Variants in RNF111 observed in about 807,000 individuals in gnomAD.
RNF111 encodes the protein E3 ubiquitin-protein ligase Arkadia.
RNF111 carries 17 observed loss-of-function variants against 95.1 expected under a neutral mutation model. The observed-to-expected ratio is 0.18, with a 90% CI of 0.12 to 0.27. The LOEUF (loss-of-function observed/expected upper bound fraction) is 0.27, where lower values mean the gene tolerates loss of function less well. Ranked by LOEUF, RNF111 falls within the 10% of genes least tolerant of loss-of-function variation. The pLI, the probability that RNF111 is intolerant of heterozygous loss-of-function variation, is 1.00. For missense variants in RNF111, 1,189 were observed against 1,210.4 expected, an observed-to-expected ratio of 0.98 and a Z score of 0.26; for synonymous variants, 440 against 414.8, an observed-to-expected ratio of 1.06 and a Z score of -0.74.
chr15:59,045,679 T>C (rs1157152298), intron 2 of RNF111, among the ~76,000 whole-genome samples: 2 of 152,246 alleles, frequency 1.3e-5, no homozygotes, highest in Admixed American at 1.3e-4. Flanking sequence ...ATAATGCTTT[T>C]AGTTTTAAAT....
intron 5 of RNF111, 135 bp downstream of exon 5, chr15:59,058,685 T>C: frequency 1.3e-6 from 1 of 754,572 alleles, no homozygotes; most frequent in Non-Finnish European, 2.2e-6. Flanking sequence ...TCATATGTTA[T>C]CAAGGTAGTC....
chr15:59,088,205 C>G (rs1251085960), intron 10 of RNF111, among the ~76,000 whole-genome samples: 1 of 152,040 alleles, frequency 6.6e-6, no homozygotes, highest in African/African-American at 2.4e-5. Context: ...AAGCATGACC[C>G]AGGGTGAACA....
In RNF111 at chr15:59,012,405, T is replaced by C. The variant is rs914789671; in HGVS notation, c.-19-18399T>C. Among the ~76,000 whole-genome samples, 3 of 152,212 alleles carry C rather than the reference T, an allele frequency of 2.0e-5. No homozygotes were observed. The South Asian group carries it at 6.2e-4, about 32-fold the overall frequency. On this transcript the variant is annotated intron_variant, in intron 1 of 13. Coordinates refer to ENST00000348370, the MANE Select transcript of RNF111 (RefSeq NM_017610.8). ...CTTTAGTGCTTTGAAGTACTACTTA[T>C]CTGTTCTCATTTAATAGTAGGTTTT...
At chr15:59,015,347 T>G (rs1373634021) in intron 1 of RNF111, among the ~76,000 whole-genome samples, 1 of 152,206 alleles carries the variant, frequency 6.6e-6, no homozygotes, top group African/African-American at 2.4e-5. Context: ...ATCATTCTTA[T>G]GAATTCACAT....
At chr15:59,080,826 C>T in intron 7 of RNF111, 110 bp from the exon 8 acceptor site, 1 of 848,970 alleles carries the variant, frequency 1.2e-6, no homozygotes, top group South Asian at 1.9e-5. Flanking sequence ...ATAAAGTATT[C>T]ATAAAAATAA....
chr15:59,091,497 A>G (rs1043271827), intron 12 of RNF111, among the ~76,000 whole-genome samples: 2 of 152,190 alleles, frequency 1.3e-5, no homozygotes, highest in African/African-American at 2.4e-5. Context: ...ATTGCCTTTC[A>G]TGCCAATTAG....
chr15:59,067,126 T>C (rs776195961), intron 6 of RNF111, 43 bp downstream of exon 6: 2 of 1,159,456 alleles, frequency 1.7e-6, no homozygotes, highest in Non-Finnish European at 1.2e-6. Context: ...GCCCCTCTTG[T>C]CTCTCTCTCT....
In RNF111 at chr15:59,022,700, A is replaced by G. The variant is rs141261732; in HGVS notation, c.-19-8104A>G. On this transcript the variant is annotated intron_variant, in intron 1 of 13. Transcript: ENST00000348370. Reference sequence around the variant, plus strand: ...ACACTCCATATAAATCATTCTTCCAATGTCTTTTAAATGCAACCAAAAGAC... The same window carrying G: ...ACACTCCATATAAATCATTCTTCCAGTGTCTTTTAAATGCAACCAAAAGAC... Among the ~76,000 whole-genome samples the G allele has an allele frequency of 1.3e-3, 198 of 152,284 alleles. 3 individuals are homozygous for G. Among genetic ancestry groups the G allele is most frequent in the African/African-American group, 4.2e-3 (175 of 41,548 alleles).
intron 8 of RNF111, 112 bp downstream of exon 8, chr15:59,081,396 G>C (rs1431315983): frequency 2.2e-6 from 2 of 894,710 alleles, no homozygotes; most frequent in African/African-American, 3.3e-5. Flanking sequence ...TGTAGTCACA[G>C]CTCCTTGGGA....
In RNF111 at chr15:59,081,046, C is replaced by T. The variant is rs2078726592; in HGVS notation, c.2059C>T (p.His687Tyr). The T allele has an allele frequency of 6.2e-7, 1 of 1,614,040 alleles. No homozygotes were observed. The highest frequency in any genetic ancestry group is 8.5e-7 in the Non-Finnish European group (1 of 1,180,020). ...GCCTCAAGTGGATTATGTTATTCCTCATCCTGTACATGCTTTCCATTCTCA... is the reference window on the plus strand; with the variant it reads ...GCCTCAAGTGGATTATGTTATTCCTTATCCTGTACATGCTTTCCATTCTCA... Reference protein sequence around the residue: ...PPPQVDYVIPHPVHAFHSQIS... With the variant: ...PPPQVDYVIPYPVHAFHSQIS... The change falls in exon 8 of 14, where the codon CAT becomes TAT. Residue 687 changes from histidine (H) to tyrosine (Y), a missense_variant. Transcript: ENST00000348370.
At chr15:59,055,459 C>T (rs2042163514) in intron 3 of RNF111, among the ~76,000 whole-genome samples, 1 of 152,060 alleles carries the variant, frequency 6.6e-6, no homozygotes, top group South Asian at 2.1e-4. Flanking sequence ...ATTCTTGAAA[C>T]AGAATCCTGT....
At chr15:59,066,412 A>G (rs564023309) in intron 5 of RNF111, among the ~76,000 whole-genome samples, 2 of 152,164 alleles carry the variant, frequency 1.3e-5, no homozygotes, top group Non-Finnish European at 2.9e-5. Flanking sequence ...GGAGTTCAAG[A>G]CCAGCCTGAC....
At position 59,089,644 on chromosome 15, in the gene RNF111, G is replaced by T. The variant is rs1339943799; in HGVS notation, c.2551-23G>T. ...CAAGTCTATTCTTAAAATTGATTTA[G>T]CCTATCTCTTCTGTTGAAATAGGTT... On this transcript the variant is annotated intron_variant, in intron 10 of 13. Coordinates refer to ENST00000348370, the MANE Select transcript of RNF111 (RefSeq NM_017610.8). 4 of 1,536,724 alleles carry T rather than the reference G, an allele frequency of 2.6e-6. No homozygotes were observed. In the Admixed American group the frequency reaches 5.0e-5, roughly 19 times the overall value.
intron 1 of RNF111, among the ~76,000 whole-genome samples, chr15:59,009,044 C>T (rs2039669855): frequency 1.3e-5 from 2 of 152,140 alleles, no homozygotes; most frequent in African/African-American, 4.8e-5. Flanking sequence ...ACTGCAACCT[C>T]CACCTCCTGG....
At chr15:59,082,836 C>G (rs1222306578) in intron 8 of RNF111, among the ~76,000 whole-genome samples, 2 of 152,210 alleles carry the variant, frequency 1.3e-5, no homozygotes, top group African/African-American at 4.8e-5. Flanking sequence ...TCCCAAATCT[C>G]TGGCTGTTGC....
chr15:59,039,465 T>C (rs1358919201), intron 2 of RNF111, among the ~76,000 whole-genome samples: 2 of 152,216 alleles, frequency 1.3e-5, no homozygotes, highest in Non-Finnish European at 2.9e-5. Flanking sequence ...AGAGGTTTTT[T>C]CACTTTTGAG....
rs779005978 is a variant in RNF111 at position 59,030,785 on chromosome 15, A to T, written c.-19-19A>T. 4 of 1,491,074 alleles carry T rather than the reference A, an allele frequency of 2.7e-6. No individual in the cohort carries two copies. In the South Asian group the frequency reaches 5.5e-5, roughly 20 times the overall value. The allele number at this position is 1,491,074 out of a possible 1,614,324, so 92.4% of individuals were successfully genotyped here. ...AAAACACATTAAAAATCTTTTAAAT[A>T]TCTAATTTTGTCTTCTAGGCTTTCC... On this transcript the variant is annotated intron_variant, in intron 1 of 13. Transcript: ENST00000348370.
chr15:59,056,020 A>C (rs537510742), intron 4 of RNF111, among the ~76,000 whole-genome samples, 175 bp downstream of exon 4: 2 of 152,264 alleles, frequency 1.3e-5, no homozygotes, highest in African/African-American at 4.8e-5. Flanking sequence ...ATTTACATAA[A>C]ATTCTTTGTG....
At chr15:59,061,092 C>T (rs878918138) in intron 5 of RNF111, among the ~76,000 whole-genome samples, 2 of 152,160 alleles carry the variant, frequency 1.3e-5, no homozygotes, top group South Asian at 2.1e-4. Flanking sequence ...CTACCACCCT[C>T]GGCCTATGTG....
Sources: allele counts gnomAD v4.1 joint callset (sites outside exome capture counted in the v4.1 genomes callset), GRCh38; gene constraint gnomAD v4.1.1; transcripts MANE v1.5; gene names NCBI Gene and HGNC (gene_info 2026-07-23, HGNC 2026-07-21).